ALG12: variants seen among roughly 807,000 people sequenced by gnomAD.
ALG12 encodes dol-P-Man:Man(7)GlcNAc(2)-PP-Dol alpha-1,6-mannosyltransferase.
A neutral mutation model predicts 46.0 loss-of-function variants in ALG12; 36 were observed. The ratio of observed to expected loss-of-function variants is 0.78; its 90% CI spans 0.60 to 1.03. The LOEUF (loss-of-function observed/expected upper bound fraction) is 1.03. ALG12 is among the 50% of genes least tolerant of loss of function. ALG12 has a pLI of 0.00. For missense variants in ALG12, 599 were observed against 633.5 expected, an observed-to-expected ratio of 0.95 and a Z score of 0.58; for synonymous variants, 326 against 291.6, an observed-to-expected ratio of 1.12 and a Z score of -1.20.
At position 49,903,933 on chromosome 22, in the gene ALG12, TGGTCCCCACGACGCTGGCCA is replaced by T; in HGVS notation, c.1352_1371del (p.Leu451HisfsTer227). 6.2e-7 allele frequency: 1 copy of T among 1,614,220 alleles called. No homozygotes were observed. Among genetic ancestry groups the T allele is most frequent in the South Asian group, 1.1e-5 (1 of 91,088 alleles). On this transcript the variant is annotated frameshift_variant, in exon 10 of 10. Transcript: ENST00000330817. LOFTEE classifies it low-confidence loss of function (END_TRUNC). ...TGGGTCAGGTTCAGACTCACACCTG[TGGTCCCCACGACGCTGGCCA>T]GGACCCGGTGTGTGTCCCTGTAGAG...
chr22:49,895,545 A>C (rs1316463009), downstream of ALG12, among the ~76,000 whole-genome samples: 1 of 152,036 alleles, frequency 6.6e-6, no homozygotes, highest in African/African-American at 2.4e-5. Context: ...CCAGCTACTC[A>C]GGAGGCTGAA....
At chr22:49,909,139 C>A (rs540109149) in intron 6 of ALG12, 105 bp downstream of exon 6, 1 of 1,200,508 alleles carries the variant, frequency 8.3e-7, no homozygotes, top group Admixed American at 1.7e-5. Context: ...CCTGCAGCCA[C>A]GCTGCAGAGA....
At chr22:49,884,114 A>T in the ALG12 span, 2 of 1,613,618 alleles carry the variant, frequency 1.2e-6, no homozygotes, top group South Asian at 1.1e-5. Flanking sequence ...AACGAGAAAG[A>T]CTTGAGTACC....
At chr22:49,911,265 G>A (rs1478319901) in intron 3 of ALG12, among the ~76,000 whole-genome samples, 4 of 152,230 alleles carry the variant, frequency 2.6e-5, no homozygotes, top group Non-Finnish European at 5.9e-5. Flanking sequence ...TCGAAGCCAT[G>A]TGAGAAGCAA....
At chr22:49,885,935 G>A in the ALG12 span, 10 of 812,256 alleles carry the variant, frequency 1.2e-5, no homozygotes, top group Admixed American at 2.1e-5. Context: ...TCGCCAGCCC[G>A]GCCGCGCTGT....
the ALG12 span, chr22:49,883,514 C>G: frequency 3.6e-6 from 4 of 1,117,058 alleles, no homozygotes; most frequent in Non-Finnish European, 4.9e-6. Context: ...TTTTTCAGTA[C>G]TATTTATGAT....
downstream of ALG12, among the ~76,000 whole-genome samples, chr22:49,898,433 C>T (rs8140681): frequency 6.6e-6 from 1 of 151,102 alleles, no homozygotes; most frequent in African/African-American, 2.4e-5. Flanking sequence ...CTTGTCGCCC[C>T]GGCTGGAGTG....
chr22:49,885,090 G>C, the ALG12 span: 2 of 1,613,672 alleles, frequency 1.2e-6, no homozygotes, highest in Non-Finnish European at 1.7e-6. Flanking sequence ...TCAAGGCCGA[G>C]TGTCGGTACT....
rs138060012 is a variant in ALG12, at chr22:49,907,936, C to T, written c.777G>A (p.Pro259=). Reference sequence around the variant, plus strand: ...GGGCTGAGTAGAAGTACCACAGCAGCGGGGAGGTCTGCGGGCTGGGTTAAG... The same window carrying T: ...GGGCTGAGTAGAAGTACCACAGCAGTGGGGAGGTCTGCGGGCTGGGTTAAG... The part of the protein sequence containing the change: ...LNKSSNWGTS[P]LLWYFYSALP... Residue 259 remains proline (P), a synonymous_variant, in exon 7 of 10, where the codon CCG becomes CCA. Coordinates refer to ENST00000330817, the MANE Select transcript of ALG12 (RefSeq NM_024105.4). 2.9e-5 allele frequency: 47 copies of T among 1,612,444 alleles called. No individual in the cohort carries two copies. Among genetic ancestry groups the T allele is most frequent in the African/African-American group, 2.1e-4 (16 of 75,018 alleles).
the ALG12 span, chr22:49,886,363 C>A: frequency 1.2e-6 from 2 of 1,610,002 alleles, no homozygotes; most frequent in Non-Finnish European, 1.7e-6. This position sits in a 1 kb window ranked among gnomAD's most constrained non-coding sequence, Gnocchi z 7.7. Flanking sequence ...CATGCTCGAG[C>A]GGCTCATTGA....
Position 49,903,738 on chromosome 22 carries a change from CTTCTCTGAATTGT to C in ALG12, c.*87_*99del, listed in dbSNP as rs756411802. 3.6e-6 allele frequency: 5 copies of C among 1,402,986 alleles called. No homozygotes were observed. The African/African-American group carries it at 7.1e-5, about 20-fold the overall frequency. The allele number at this position is 1,402,986 out of a possible 1,614,324, so 86.9% of individuals were successfully genotyped here. On this transcript the variant is annotated 3_prime_UTR_variant, in exon 10 of 10. Transcript: ENST00000330817. ...GGCAGGTGCCCAGTCCTTTGACTTG[CTTCTCTGAATTGT>C]CATAATTGTGCTGGAATTGTGCCAG... is the stretch of plus-strand genomic sequence containing the variant.
intron 1 of ALG12, among the ~76,000 whole-genome samples, chr22:49,914,247 C>T (rs1357810601): frequency 2.6e-5 from 4 of 152,186 alleles, no homozygotes; most frequent in African/African-American, 7.2e-5. Flanking sequence ...TGAGGGGTGC[C>T]AGTTAGCTGG....
rs955752244 is a variant in ALG12, at chr22:49,903,214, T to C, written c.*624A>G. ...ATTTCATTCTCATTATTTTCTGTAA[T>C]CTTGAGAGGTTCCAATCAACATTTA... On this transcript the variant is annotated 3_prime_UTR_variant, in exon 10 of 10. Coordinates refer to ENST00000330817, the MANE Select transcript of ALG12 (RefSeq NM_024105.4). The C allele has an allele frequency of 2.5e-6, 1 of 397,696 alleles. No individual in the cohort carries two copies. Among genetic ancestry groups the C allele is most frequent in the Non-Finnish European group, 5.0e-6 (1 of 201,724 alleles). 24.6% of individuals were successfully genotyped at this position (397,696 alleles called of 1,614,324 possible). A position where few individuals can be genotyped will look rare whatever the true frequency, so the allele number is the denominator to read the frequency against.
chr22:49,908,060 G>A, intron 6 of ALG12, 116 bp from the exon 7 acceptor site: 2 of 1,050,240 alleles, frequency 1.9e-6, no homozygotes, highest in African/African-American at 3.1e-5. Flanking sequence ...ATGCAGCCTG[G>A]ACCACGGCTC....
chr22:49,884,187 T>C, the ALG12 span: 1,450,306 of 1,610,060 alleles, frequency 0.9, 653,723 homozygotes, highest in African/African-American at 0.98. Context: ...AAAATGGCAG[T>C]GTGTCTGCCG....
the ALG12 span, among the ~76,000 whole-genome samples, chr22:49,861,742 G>A: frequency 1.3e-5 from 2 of 152,140 alleles, no homozygotes; most frequent in East Asian, 1.9e-4. Flanking sequence ...TGGCCCCTGC[G>A]TGTCTGGTTT....
intron 4 of ALG12, 27 bp downstream of exon 4, chr22:49,910,407 G>C (rs1171308186): frequency 6.2e-7 from 1 of 1,610,214 alleles, no homozygotes; most frequent in South Asian, 1.1e-5. Flanking sequence ...CACCATGGGT[G>C]TGCAGGCCCG....
chr22:49,870,229 C>G, the ALG12 span, among the ~76,000 whole-genome samples: 1 of 152,214 alleles, frequency 6.6e-6, no homozygotes, highest in Non-Finnish European at 1.5e-5. Context: ...TCCACCATTG[C>G]TAGGCACGTA....
the ALG12 span, chr22:49,883,708 GT>G: frequency 6.2e-7 from 1 of 1,605,396 alleles, no homozygotes; most frequent in Non-Finnish European, 8.5e-7. Flanking sequence ...CGGTGATTTC[GT>G]TTCTGATAAA....
Sources: gnomAD v4.1 joint callset for allele counts (sites outside exome capture counted in the v4.1 genomes callset) on GRCh38, gnomAD v4.1.1 for gene constraint, Gnocchi (gnomAD v3.1) non-coding constraint, MANE v1.5 for transcripts, NCBI Gene and HGNC (gene_info 2026-07-23, HGNC 2026-07-21) for gene names.